ARHGAP15: variants seen among roughly 807,000 people sequenced by gnomAD.
ARHGAP15 encodes Rho GTPase activating protein 15, also known as rho GTPase-activating protein 15.
A neutral mutation model predicts 63.7 loss-of-function variants in ARHGAP15; 51 were observed. That is an observed-to-expected ratio of 0.80 (90% CI 0.64 to 1.01). ARHGAP15 has a LOEUF of 1.01. Among genes scored for constraint, ARHGAP15 ranks in the 50% least tolerant of loss-of-function variants. ARHGAP15 has a pLI of 0.00. For synonymous variants in ARHGAP15, 191 were observed against 193.8 expected (o/e 0.99, Z 0.12); for missense variants, 560 against 564.6 (o/e 0.99, Z 0.08).
chr2:143,215,678 A>C (rs921799798), intron 3 of ARHGAP15, among the ~76,000 whole-genome samples: 6 of 152,218 alleles, frequency 3.9e-5, no homozygotes, highest in African/African-American at 1.2e-4. Flanking sequence ...CAGACTTTGC[A>C]GGGAGTCAAC....
chr2:143,261,160 T>C (rs1362375712), intron 6 of ARHGAP15, among the ~76,000 whole-genome samples: 1 of 152,064 alleles, frequency 6.6e-6, no homozygotes, highest in South Asian at 2.1e-4. Context: ...TAACACTAAA[T>C]TCCCATTTAG....
intron 6 of ARHGAP15, among the ~76,000 whole-genome samples, chr2:143,289,881 G>A (rs543533887): frequency 3.7e-4 from 57 of 152,066 alleles, no homozygotes; most frequent in Non-Finnish European, 7.2e-4. Flanking sequence ...CATATACCAC[G>A]TGAAACCTAA....
At chr2:143,215,055 G>A (rs533376005) in intron 3 of ARHGAP15, among the ~76,000 whole-genome samples, 1 of 152,218 alleles carries the variant, frequency 6.6e-6, no homozygotes, top group African/African-American at 2.4e-5. Context: ...GAATCCAGGT[G>A]TGAAAGGTAC....
intron 6 of ARHGAP15, among the ~76,000 whole-genome samples, chr2:143,321,079 CT>C (rs1247341487): frequency 6.6e-6 from 1 of 152,158 alleles, no homozygotes; most frequent in Non-Finnish European, 1.5e-5. Context: ...GATGCCTACC[CT>C]GGCTCTCAGG....
chr2:143,230,366 G>A (rs1409414914), intron 5 of ARHGAP15, among the ~76,000 whole-genome samples: 1 of 152,052 alleles, frequency 6.6e-6, no homozygotes, highest in African/African-American at 2.4e-5. Context: ...TTTTATACAG[G>A]TGAAAGAAAA....
intron 6 of ARHGAP15, among the ~76,000 whole-genome samples, chr2:143,399,736 A>G (rs1301500340): frequency 1.3e-5 from 2 of 151,890 alleles, no homozygotes; most frequent in Non-Finnish European, 2.9e-5. Context: ...AACCCAGACC[A>G]TCTGACTCCG....
chr2:143,714,239 C>T (rs1372397964), intron 13 of ARHGAP15, among the ~76,000 whole-genome samples: 1 of 152,208 alleles, frequency 6.6e-6, no homozygotes, highest in African/African-American at 2.4e-5. Flanking sequence ...GCTGCCAAGG[C>T]TTGGGGCTTC....
intron 6 of ARHGAP15, among the ~76,000 whole-genome samples, chr2:143,412,273 A>G (rs551562136): frequency 6.6e-6 from 1 of 152,288 alleles, no homozygotes; most frequent in African/African-American, 2.4e-5. Flanking sequence ...GGTGATTAAG[A>G]ACAAAACGGA....
intron 13 of ARHGAP15, among the ~76,000 whole-genome samples, chr2:143,733,749 T>C (rs1485643016): frequency 6.6e-6 from 1 of 151,644 alleles, no homozygotes; most frequent in African/African-American, 2.4e-5. Flanking sequence ...GGAATTTTTC[T>C]CTGTTTCAGG....
intron 6 of ARHGAP15, among the ~76,000 whole-genome samples, chr2:143,376,516 A>G (rs887613054): frequency 2.0e-5 from 3 of 152,148 alleles, no homozygotes; most frequent in Non-Finnish European, 4.4e-5. Flanking sequence ...ATTATGAGCT[A>G]AGAACATTTA....
At chr2:143,484,464 G>T (rs930367889) in intron 8 of ARHGAP15, among the ~76,000 whole-genome samples, 1 of 152,056 alleles carries the variant, frequency 6.6e-6, no homozygotes, top group Admixed American at 6.5e-5. Flanking sequence ...TTTGGGAAGT[G>T]GAAGTTGCAG....
At chr2:143,169,152 T>C (rs1690664008) in intron 2 of ARHGAP15, among the ~76,000 whole-genome samples, 1 of 152,072 alleles carries the variant, frequency 6.6e-6, no homozygotes, top group African/African-American at 2.4e-5. Context: ...AGCTGACATA[T>C]TGACATTCTG....
At chr2:143,480,867 C>G (rs1473023361) in intron 8 of ARHGAP15, 2 of 152,170 alleles carry the variant, frequency 1.3e-5, no homozygotes, top group Admixed American at 1.3e-4. Context: ...AAGGAATAAA[C>G]AGGAGGCTGG....
rs549087620 is a variant in ARHGAP15 at position 143,761,399 on chromosome 2, T to G, written c.1245-6590T>G. 2.6e-5 allele frequency among the ~76,000 whole-genome samples: 4 copies of G among 152,280 alleles called. No homozygotes were observed. In the East Asian group the frequency reaches 7.7e-4, roughly 29 times the overall value. Reference sequence around the variant, plus strand: ...TTGGAAAATCATGGCATTCCACAGATAGAGAAGGGAACATTTCTAATACAC... The same window carrying G: ...TTGGAAAATCATGGCATTCCACAGAGAGAGAAGGGAACATTTCTAATACAC... On this transcript the variant is annotated intron_variant, in intron 13 of 13. Coordinates refer to ENST00000295095, the MANE Select transcript of ARHGAP15 (RefSeq NM_018460.4).
At chr2:143,757,453 T>C (rs770487233) in intron 13 of ARHGAP15, among the ~76,000 whole-genome samples, 19 of 152,018 alleles carry the variant, frequency 1.2e-4, no homozygotes, top group South Asian at 2.1e-4. Flanking sequence ...GGAGATTTCA[T>C]TGAGCCGAGA....
intron 6 of ARHGAP15, among the ~76,000 whole-genome samples, chr2:143,401,728 T>G (rs979270176): frequency 1.3e-5 from 2 of 152,002 alleles, no homozygotes; most frequent in African/African-American, 4.8e-5. Context: ...CATCCTCGTT[T>G]TAAATCCTGT....
At chr2:143,422,625 T>C (rs1688971792) in intron 6 of ARHGAP15, among the ~76,000 whole-genome samples, 1 of 152,176 alleles carries the variant, frequency 6.6e-6, no homozygotes, top group Non-Finnish European at 1.5e-5. Context: ...TGACTCATTT[T>C]CAGATATTCT....
At chr2:143,445,226 T>A (rs1011344684) in intron 8 of ARHGAP15, among the ~76,000 whole-genome samples, 3 of 129,610 alleles carry the variant, frequency 2.3e-5, no homozygotes, top group Non-Finnish European at 3.1e-5. Context: ...AATGGCGTGG[T>A]CTTGGCTCAC....
intron 12 of ARHGAP15, among the ~76,000 whole-genome samples, chr2:143,686,440 A>C (rs1386911299): frequency 6.6e-6 from 1 of 150,486 alleles, no homozygotes; most frequent in African/African-American, 2.4e-5. Flanking sequence ...ACTACTCTCA[A>C]TATAGCAATC....
Sources: gnomAD v4.1 joint callset for allele counts (sites outside exome capture counted in the v4.1 genomes callset) on GRCh38, gnomAD v4.1.1 for gene constraint, MANE v1.5 for transcripts, NCBI Gene and HGNC (gene_info 2026-07-23, HGNC 2026-07-21) for gene names.